SEPTIN9: variants seen among roughly 807,000 people sequenced by gnomAD.
The protein encoded by SEPTIN9 is septin 9, also known as septin-9.
SEPTIN9 carries 13 observed loss-of-function variants against 56.6 expected under a neutral mutation model. The ratio of observed to expected loss-of-function variants is 0.23; its 90% CI spans 0.15 to 0.37. The LOEUF is 0.37. Among genes scored for constraint, SEPTIN9 ranks in the 10% least tolerant of loss-of-function variants. The pLI is 1.00. For missense variants in SEPTIN9, 650 were observed against 823.1 expected, an observed-to-expected ratio of 0.79 and a Z score of 2.57; for synonymous variants, 332 against 334.1, an observed-to-expected ratio of 0.99 and a Z score of 0.07.
rs3765043 is a variant in SEPTIN9 at position 77,487,446 on chromosome 17, C to T, written c.936C>T (p.Ser312=). 5.0e-3 allele frequency: 7,998 copies of T among 1,606,656 alleles called. 193 individuals carry two copies. The East Asian group carries it at 0.084, about 17-fold the overall frequency. Residue 312 remains serine (S), a synonymous_variant, in exon 5 of 12, where the codon TCC becomes TCT. Coordinates refer to ENST00000427177, the MANE Select transcript of SEPTIN9 (RefSeq NM_001113491.2). This position sits in a 1 kb window ranked among gnomAD's most constrained non-coding sequence, Gnocchi z 4.3. ...MVVGQSGLGK[S]TLINTLFKSK... is the part of the protein sequence containing the mutation. Reference sequence around the variant, plus strand: ...CAGGGCAGAGCGGCTTGGGTAAATCCACCTTAATCAACACCCTCTTCAAAT... The same window carrying T: ...CAGGGCAGAGCGGCTTGGGTAAATCTACCTTAATCAACACCCTCTTCAAAT...
intron 8 of SEPTIN9, among the ~76,000 whole-genome samples, chr17:77,491,662 C>T (rs183133643): frequency 1.9e-4 from 29 of 151,656 alleles, no homozygotes; most frequent in Admixed American, 5.9e-4. Flanking sequence ...AAATATTAGT[C>T]GGGCATGGTG....
chr17:77,309,907 C>T (rs989885466), intron 2 of SEPTIN9, among the ~76,000 whole-genome samples: 25 of 152,328 alleles, frequency 1.6e-4, no homozygotes, highest in East Asian at 1.9e-4. Flanking sequence ...CGGTGCCCGC[C>T]CCTCTGGATT....
intron 1 of SEPTIN9, among the ~76,000 whole-genome samples, chr17:77,286,788 C>T (rs1414603261): frequency 6.6e-6 from 1 of 152,190 alleles, no homozygotes; most frequent in Non-Finnish European, 1.5e-5. Context: ...TCAGTGCAGG[C>T]CCGGCCAGGG....
In SEPTIN9 at chr17:77,326,557, C is replaced by T. The variant is rs1012639403; in HGVS notation, c.76+19360C>T. ...GCCCTGGGGCGCGGGGGGCTGAGGCCGGCAGCACGGCAGGAAGTAAGACTG... is the reference window on the plus strand; with the variant it reads ...GCCCTGGGGCGCGGGGGGCTGAGGCTGGCAGCACGGCAGGAAGTAAGACTG... On this transcript the variant is annotated intron_variant, in intron 2 of 11. Coordinates refer to ENST00000427177, the MANE Select transcript of SEPTIN9 (RefSeq NM_001113491.2). The surrounding 1 kb of genome is among the most constrained non-coding windows in gnomAD (Gnocchi z 5.1). Among the ~76,000 whole-genome samples, 3 of 152,178 alleles carry T rather than the reference C, an allele frequency of 2.0e-5. No individual in the cohort carries two copies. Among genetic ancestry groups the T allele is most frequent in the Non-Finnish European group, 2.9e-5 (2 of 68,030 alleles).
At position 77,318,041 on chromosome 17, in the gene SEPTIN9, ACT is replaced by A. The variant is rs554156441; in HGVS notation, c.76+10847_76+10848del. 8.2e-3 allele frequency among the ~76,000 whole-genome samples: 1,214 copies of A among 148,858 alleles called. 19 individuals carry two copies. Among genetic ancestry groups the A allele is most frequent in the African/African-American group, 0.028 (1,142 of 40,906 alleles). On this transcript the variant is annotated intron_variant, in intron 2 of 11. Transcript: ENST00000427177. The surrounding 1 kb of genome is among the most constrained non-coding windows in gnomAD (Gnocchi z 4.9). ...ACTCCAGCCTGGGTGGCAGAGCGAG[ACT>A]CTGTCTCAATAAAATAAAATAAAAT... is the stretch of plus-strand genomic sequence containing the variant.
rs1413584336 is a variant in SEPTIN9 at position 77,487,395 on chromosome 17, C to T, written c.914-29C>T. The T allele has an allele frequency of 6.3e-7, 1 of 1,578,492 alleles. No homozygotes were observed. Among genetic ancestry groups the T allele is most frequent in the Non-Finnish European group, 8.6e-7 (1 of 1,163,334 alleles). ...ACCCTGCTGGTCTCTCCGGAGAGACCCCTGACCGGCCTCCCATCCTCTCCC... is the reference window on the plus strand; with the variant it reads ...ACCCTGCTGGTCTCTCCGGAGAGACTCCTGACCGGCCTCCCATCCTCTCCC... On this transcript the variant is annotated intron_variant, in intron 4 of 11. Coordinates refer to ENST00000427177, the MANE Select transcript of SEPTIN9 (RefSeq NM_001113491.2). The surrounding 1 kb of genome is among the most constrained non-coding windows in gnomAD (Gnocchi z 4.3).
intron 3 of SEPTIN9, among the ~76,000 whole-genome samples, chr17:77,412,034 G>T (rs2036321729): frequency 6.6e-6 from 1 of 151,326 alleles, no homozygotes; most frequent in Non-Finnish European, 1.5e-5. Context: ...GGAGGCTAAG[G>T]CAGGAGACTT....
intron 2 of SEPTIN9, among the ~76,000 whole-genome samples, chr17:77,321,630 C>T (rs1222842971): frequency 2.0e-5 from 3 of 152,128 alleles, no homozygotes; most frequent in African/African-American, 4.8e-5. Flanking sequence ...TCTCGTGATC[C>T]GCCCGCCTCA....
Position 77,492,006 on chromosome 17 carries a change from C to T in SEPTIN9, c.1381-615C>T, listed in dbSNP as rs1205342400. ...TGAAACCGAGGTGCCTGGGCTGCGGCACCACATCTGCCTCGGTGGGTGTGG... is the reference window on the plus strand; with the variant it reads ...TGAAACCGAGGTGCCTGGGCTGCGGTACCACATCTGCCTCGGTGGGTGTGG... On this transcript the variant is annotated intron_variant, in intron 8 of 11. Transcript: ENST00000427177. This position sits in a 1 kb window ranked among gnomAD's most constrained non-coding sequence, Gnocchi z 5.4. Among the ~76,000 whole-genome samples the T allele has an allele frequency of 6.6e-6, 1 of 151,954 alleles. No homozygotes were observed. Among genetic ancestry groups the T allele is most frequent in the East Asian group, 1.9e-4 (1 of 5,134 alleles).
At chr17:77,420,577 C>A (rs1293516296) in intron 3 of SEPTIN9, among the ~76,000 whole-genome samples, 1 of 152,138 alleles carries the variant, frequency 6.6e-6, no homozygotes, top group Non-Finnish European at 1.5e-5. Context: ...GTGGGGAGAG[C>A]CTGAGCTGTC....
intron 1 of SEPTIN9, among the ~76,000 whole-genome samples, chr17:77,298,602 C>T (rs1329610162): frequency 6.6e-6 from 1 of 152,186 alleles, no homozygotes; most frequent in Non-Finnish European, 1.5e-5. Flanking sequence ...CCTCAGGTTG[C>T]TTTCACAAGT....
intron 3 of SEPTIN9, among the ~76,000 whole-genome samples, chr17:77,418,283 A>ATT (rs2036573738): frequency 2.0e-5 from 3 of 152,088 alleles, no homozygotes; most frequent in African/African-American, 7.2e-5. Flanking sequence ...AGATGGCCGG[A>ATT]AAGGCAGCCC....
intron 2 of SEPTIN9, chr17:77,374,743 A>G (rs1568021700): frequency 6.6e-6 from 1 of 152,376 alleles, no homozygotes; most frequent in Admixed American, 6.5e-5. Flanking sequence ...GGTCAGCCCT[A>G]TCTGAGTGGG....
chr17:77,402,563 A>C lies in SEPTIN9; in HGVS notation c.581A>C (p.Lys194Thr). ...AAGAGGGTGGAGATCCAGATGCCCA[A>C]GCCTGCTGAGGCGCCCACCGCCCCC... is the stretch of plus-strand genomic sequence containing the variant. Reference protein sequence around the residue: ...APKRVEIQMPKPAEAPTAPSP... With the variant: ...APKRVEIQMPTPAEAPTAPSP... The change falls in exon 3 of 12, where the codon AAG (lysine) becomes ACG (threonine). Residue 194 changes from lysine (K) to threonine (T), a missense_variant. Coordinates refer to ENST00000427177, the MANE Select transcript of SEPTIN9 (RefSeq NM_001113491.2). This position sits in a 1 kb window ranked among gnomAD's most constrained non-coding sequence, Gnocchi z 6.6. 6.2e-7 allele frequency: 1 copy of C among 1,610,692 alleles called. No individual in the cohort carries two copies. Among genetic ancestry groups the C allele is most frequent in the Non-Finnish European group, 8.5e-7 (1 of 1,178,888 alleles).
chr17:77,465,739 A>T (rs1486550521), intron 3 of SEPTIN9, among the ~76,000 whole-genome samples: 1 of 151,848 alleles, frequency 6.6e-6, no homozygotes. Flanking sequence ...GGAAATGCAA[A>T]GTTCGAGTGT....
rs147503766 is a variant in SEPTIN9, at chr17:77,320,685, C to A, written c.76+13488C>A. Among the ~76,000 whole-genome samples, 420 of 152,290 alleles carry A rather than the reference C, an allele frequency of 2.8e-3. 2 individuals are homozygous for A. The highest frequency in any genetic ancestry group is 4.9e-3 in the Non-Finnish European group (334 of 68,018). On this transcript the variant is annotated intron_variant, in intron 2 of 11. Transcript: ENST00000427177. The stretch of plus-strand genomic sequence containing the variant: ...GTGTGGGGGACCTGCCCCCCTGGCT[C>A]GGGTCTGGGGCGGCGGCGCTTGGAC...
intron 2 of SEPTIN9, among the ~76,000 whole-genome samples, chr17:77,385,893 G>A (rs1232165042): frequency 1.3e-5 from 2 of 152,202 alleles, no homozygotes; most frequent in East Asian, 1.9e-4. Context: ...CCCTGCGGCT[G>A]TGCCTTTGGA....
At chr17:77,340,601 G>A (rs143799210) in intron 2 of SEPTIN9, among the ~76,000 whole-genome samples, 5 of 152,262 alleles carry the variant, frequency 3.3e-5, no homozygotes, top group African/African-American at 7.2e-5. Context: ...TTTAACTTAC[G>A]GTCAACAGCT....
At chr17:77,478,528 C>T (rs138566080) in intron 3 of SEPTIN9, among the ~76,000 whole-genome samples, 1,777 of 152,290 alleles carry the variant, frequency 0.012, 33 homozygotes, top group African/African-American at 0.037. Flanking sequence ...CGGGACAGGC[C>T]GGGCGTGGTG....
Sources: gnomAD v4.1 joint callset for allele counts (sites outside exome capture counted in the v4.1 genomes callset) on GRCh38, gnomAD v4.1.1 for gene constraint, Gnocchi (gnomAD v3.1) non-coding constraint, MANE v1.5 for transcripts, NCBI Gene and HGNC (gene_info 2026-07-23, HGNC 2026-07-21) for gene names.